SATB2: variants seen among roughly 807,000 people sequenced by gnomAD.
SATB2 encodes the protein DNA-binding protein SATB2.
A neutral mutation model predicts 73.4 loss-of-function variants in SATB2; 1 was observed. That is an observed-to-expected ratio of 0.01 (90% confidence interval 0.00 to 0.06). SATB2 has a LOEUF of 0.06. SATB2 is among the 10% of genes least tolerant of loss of function. The pLI, the probability that SATB2 is intolerant of heterozygous loss-of-function variation, is 1.00. For synonymous variants in SATB2, 397 were observed against 367.0 expected, an observed-to-expected ratio of 1.08 and a Z score of -0.93; for missense variants, 459 against 945.8, an observed-to-expected ratio of 0.49 and a Z score of 6.75.
chr2:199,283,084 C>CTT (rs1159061582), intron 10 of SATB2, among the ~76,000 whole-genome samples: 3 of 140,544 alleles, frequency 2.1e-5, no homozygotes, highest in Non-Finnish European at 4.7e-5. Context: ...TAAACATAAA[C>CTT]TTTTTTTTTT....
intron 9 of SATB2, among the ~76,000 whole-genome samples, chr2:199,310,495 T>C (rs1374791753): frequency 3.9e-5 from 6 of 152,228 alleles, no homozygotes; most frequent in African/African-American, 1.2e-4. Flanking sequence ...TTTTTATCCA[T>C]ACCAGAAAAT....
chr2:199,335,755 A>G (rs1688319357), intron 7 of SATB2, among the ~76,000 whole-genome samples: 1 of 152,224 alleles, frequency 6.6e-6, no homozygotes, highest in Admixed American at 6.5e-5. Context: ...TGCTGAAAAC[A>G]AGATAACTGA....
At chr2:199,377,096 G>A (rs1689627033) in intron 5 of SATB2, among the ~76,000 whole-genome samples, 1 of 152,152 alleles carries the variant, frequency 6.6e-6, no homozygotes. Flanking sequence ...AAACACAGGG[G>A]CCAGGAGCAG....
chr2:199,323,476 TACACACACAC>T (rs1553546876), intron 9 of SATB2, among the ~76,000 whole-genome samples: 5 of 142,748 alleles, frequency 3.5e-5, no homozygotes, highest in African/African-American at 1.1e-4. Flanking sequence ...GTTTTGTTCA[TACACACACAC>T]ACACACACAC....
chr2:199,428,310 CAA>C (rs1434792681), intron 3 of SATB2, among the ~76,000 whole-genome samples: 1 of 151,848 alleles, frequency 6.6e-6, no homozygotes, highest in African/African-American at 2.4e-5. Context: ...TCTGTTACTT[CAA>C]AAAAGTATCT....
At chr2:199,298,444 T>C (rs1007088251) in intron 10 of SATB2, among the ~76,000 whole-genome samples, 2 of 152,194 alleles carry the variant, frequency 1.3e-5, no homozygotes, top group East Asian at 1.9e-4. Flanking sequence ...TTAAGTATTT[T>C]TTAAAAAAGA....
At chr2:199,393,536 C>G (rs1004743872) in intron 3 of SATB2, among the ~76,000 whole-genome samples, 1 of 152,252 alleles carries the variant, frequency 6.6e-6, no homozygotes, top group East Asian at 1.9e-4. Context: ...GAATCCACTA[C>G]AGTCCCAGAG....
At chr2:199,467,242 C>T (rs1420950459), upstream of SATB2, among the ~76,000 whole-genome samples, 1 of 152,282 alleles carries the variant, frequency 6.6e-6, no homozygotes, top group African/African-American at 2.4e-5. Flanking sequence ...AGGTGGATAA[C>T]TTCTGCGGAT....
intron 2 of SATB2, among the ~76,000 whole-genome samples, chr2:199,454,885 T>C (rs1692229000): frequency 6.6e-6 from 1 of 152,162 alleles, no homozygotes; most frequent in Non-Finnish European, 1.5e-5. Context: ...TTTTATATCA[T>C]TTAAGACAAG....
chr2:199,323,181 T>G (rs1048275656), intron 9 of SATB2, among the ~76,000 whole-genome samples: 1 of 152,108 alleles, frequency 6.6e-6, no homozygotes, highest in Non-Finnish European at 1.5e-5. Flanking sequence ...GAGCATTACA[T>G]TCTCCACAAT....
At chr2:199,286,296 T>C (rs562604710) in intron 10 of SATB2, among the ~76,000 whole-genome samples, 64 of 152,258 alleles carry the variant, frequency 4.2e-4, no homozygotes, top group African/African-American at 1.4e-3. Flanking sequence ...CAATCCACTC[T>C]CCAGTTAGAA....
chr2:199,277,590 G>C (rs1167313589), intron 10 of SATB2, among the ~76,000 whole-genome samples: 2 of 152,090 alleles, frequency 1.3e-5, no homozygotes, highest in African/African-American at 4.8e-5. Flanking sequence ...TCTGTAAAGA[G>C]AGTCCTAAAT....
intron 2 of SATB2, among the ~76,000 whole-genome samples, chr2:199,443,307 G>A (rs1691873425): frequency 6.6e-6 from 1 of 151,908 alleles, no homozygotes; most frequent in African/African-American, 2.4e-5. Context: ...TAACAGTACT[G>A]AGGTCCTCTT....
At chr2:199,445,904 A>C (rs922802383) in intron 2 of SATB2, among the ~76,000 whole-genome samples, 1 of 152,184 alleles carries the variant, frequency 6.6e-6, no homozygotes, top group Non-Finnish European at 1.5e-5. Flanking sequence ...TCGGATGAAG[A>C]CAATTTATCA....
rs1008121169 is a variant in SATB2, at chr2:199,463,237, G to A, written c.-141+1599C>T. Among the ~76,000 whole-genome samples the A allele has an allele frequency of 6.6e-6, 1 of 152,186 alleles. No individual in the cohort carries two copies. Among genetic ancestry groups the A allele is most frequent in the Admixed American group, 6.5e-5 (1 of 15,288 alleles). ...GTCCCCTTCTGCAACCACGCTGCGAGAGAATGACTGCCCTGCTAATCTAGT... is the reference window on the plus strand; with the variant it reads ...GTCCCCTTCTGCAACCACGCTGCGAAAGAATGACTGCCCTGCTAATCTAGT... On this transcript the variant is annotated intron_variant, in intron 1 of 11. Transcript: ENST00000260926. This position sits in a 1 kb window ranked among gnomAD's most constrained non-coding sequence, Gnocchi z 6.4.
At chr2:199,402,100 T>C (rs1379055124) in intron 3 of SATB2, among the ~76,000 whole-genome samples, 5 of 151,978 alleles carry the variant, frequency 3.3e-5, no homozygotes, top group African/African-American at 7.3e-5. Context: ...ATTTGATACA[T>C]TATTGGCTGG....
intron 6 of SATB2, among the ~76,000 whole-genome samples, chr2:199,368,187 G>A (rs1411305563): frequency 2.6e-5 from 4 of 152,066 alleles, no homozygotes; most frequent in Admixed American, 2.0e-4. Flanking sequence ...TGCAGAGCCC[G>A]TGTTTTCACC....
chr2:199,317,109 A>G (rs1286284996), intron 9 of SATB2, among the ~76,000 whole-genome samples: 11 of 152,026 alleles, frequency 7.2e-5, no homozygotes, highest in Non-Finnish European at 1.5e-4. Context: ...GCAGACAACC[A>G]GGAGTAAAAC....
At chr2:199,446,011 G>C (rs886203358) in intron 2 of SATB2, among the ~76,000 whole-genome samples, 9 of 152,048 alleles carry the variant, frequency 5.9e-5, no homozygotes, top group Non-Finnish European at 1.3e-4. Context: ...ACATCAAAAA[G>C]ATCATATTAA....
Sources: allele counts gnomAD v4.1 joint callset (sites outside exome capture counted in the v4.1 genomes callset), GRCh38; gene constraint gnomAD v4.1.1; non-coding constraint Gnocchi (gnomAD v3.1); transcripts MANE v1.5; gene names NCBI Gene and HGNC (gene_info 2026-07-23, HGNC 2026-07-21).